The following DAPK1 variants were observed in gnomAD, a reference collection of about 807,000 sequenced individuals.
DAPK1 encodes death associated protein kinase 1, also known as death-associated protein kinase 1.
In DAPK1, 56 loss-of-function variants were observed where a neutral mutation model predicts 144.9. That is an observed-to-expected ratio of 0.39 (90% CI 0.31 to 0.48). The LOEUF (loss-of-function observed/expected upper bound fraction) is 0.48, where lower values mean the gene tolerates loss of function less well. DAPK1 is among the 20% of genes least tolerant of loss of function. DAPK1 has a pLI of 0.95. For missense variants in DAPK1, 1,454 were observed against 1,875.4 expected (o/e 0.78, Z 4.15); for synonymous variants, 690 against 749.0 (o/e 0.92, Z 1.29).
intron 19 of DAPK1, among the ~76,000 whole-genome samples, chr9:87,676,889 C>A (rs930542618): frequency 6.6e-6 from 1 of 152,222 alleles, no homozygotes; most frequent in Non-Finnish European, 1.5e-5. Flanking sequence ...TCTGAGGAAC[C>A]TGCCACCTCC....
At chr9:87,610,277 T>TC (rs1828877749) in intron 3 of DAPK1, among the ~76,000 whole-genome samples, 1 of 152,226 alleles carries the variant, frequency 6.6e-6, no homozygotes, top group Admixed American at 6.5e-5. Flanking sequence ...GGATTTCATG[T>TC]CCTCCACGTC....
intron 2 of DAPK1, chr9:87,525,477 T>G: frequency 6.6e-7 from 1 of 1,515,496 alleles, no homozygotes; most frequent in Non-Finnish European, 9.1e-7. Flanking sequence ...TTGGACTAAA[T>G]GATCTTCCTT....
At chr9:87,626,446 A>T (rs1421510455) in intron 3 of DAPK1, among the ~76,000 whole-genome samples, 1 of 151,404 alleles carries the variant, frequency 6.6e-6, no homozygotes, top group South Asian at 2.1e-4. Context: ...ACAAAAAACA[A>T]CAACAACAAC....
chr9:87,695,306 G>A (rs568609643), intron 21 of DAPK1, among the ~76,000 whole-genome samples: 1 of 152,206 alleles, frequency 6.6e-6, no homozygotes, highest in Non-Finnish European at 1.5e-5. Context: ...AGTGCATCTT[G>A]ACTGCAGGAT....
chr9:87,597,137 A>G (rs1475596945), intron 2 of DAPK1, among the ~76,000 whole-genome samples: 1 of 152,232 alleles, frequency 6.6e-6, no homozygotes. Context: ...CGGAAGTTCC[A>G]GGATCACTTC....
Position 87,707,960 on chromosome 9 carries a change from G to T in DAPK1, c.*596G>T. Reference sequence around the variant, plus strand: ...AGCCAGGAGCTGTCACCAAGGAAACGCTACCTCTCTGTCCCTTGCTGTATG... The same window carrying T: ...AGCCAGGAGCTGTCACCAAGGAAACTCTACCTCTCTGTCCCTTGCTGTATG... On this transcript the variant is annotated 3_prime_UTR_variant, in exon 26 of 26. Coordinates refer to ENST00000408954, the MANE Select transcript of DAPK1 (RefSeq NM_004938.4). The surrounding 1 kb of genome is among the most constrained non-coding windows in gnomAD (Gnocchi z 4.0). 2 of 448,864 alleles carry T rather than the reference G, an allele frequency of 4.5e-6. No homozygotes were observed. The highest frequency in any genetic ancestry group is 8.9e-6 in the Non-Finnish European group (2 of 223,676). The allele number at this position is 448,864 out of a possible 1,614,324, so 27.8% of individuals were successfully genotyped here. A position where few individuals can be genotyped will look rare whatever the true frequency, so the allele number is the denominator to read the frequency against.
intron 2 of DAPK1, among the ~76,000 whole-genome samples, chr9:87,561,852 C>G (rs1412918223): frequency 2.0e-5 from 3 of 152,174 alleles, no homozygotes; most frequent in Non-Finnish European, 4.4e-5. Context: ...TTCTGCCCCC[C>G]TCCTTAGGGT....
At position 87,708,551 on chromosome 9, in the gene DAPK1, T is replaced by A; in HGVS notation, c.*1187T>A. The A allele has an allele frequency of 6.5e-6, 1 of 152,736 alleles. No individual in the cohort carries two copies. Among genetic ancestry groups the A allele is most frequent in the South Asian group, 2.1e-4 (1 of 4,826 alleles). The allele number at this position is 152,736 out of a possible 1,614,324, so 9.5% of individuals were successfully genotyped here. ...GTATATACATATATATTAATACTGG[T>A]ATTTTTACTTAATCTATAAAATGTC... On this transcript the variant is annotated 3_prime_UTR_variant, in exon 26 of 26. Coordinates refer to ENST00000408954, the MANE Select transcript of DAPK1 (RefSeq NM_004938.4).
chr9:87,633,450 T>C (rs1249468917), intron 3 of DAPK1: 15 of 933,566 alleles, frequency 1.6e-5, no homozygotes, highest in Non-Finnish European at 1.9e-5. Flanking sequence ...CTTTCTAATG[T>C]CTAACTGAAG....
chr9:87,540,167 T>G (rs1825995217), intron 2 of DAPK1, among the ~76,000 whole-genome samples: 1 of 150,468 alleles, frequency 6.6e-6, no homozygotes, highest in Non-Finnish European at 1.5e-5. Context: ...TTATTGCTAA[T>G]TATTGTTGTT....
Position 87,640,375 on chromosome 9 carries a change from T to C in DAPK1, c.707T>C (p.Phe236Ser). 1.2e-6 allele frequency: 2 copies of C among 1,614,206 alleles called. No individual in the cohort carries two copies. The highest frequency in any genetic ancestry group is 1.7e-6 in the Non-Finnish European group (2 of 1,180,014). ...LANVSAVNYE[F>S]EDEYFSNTSA... The stretch of plus-strand genomic sequence containing the variant: ...AATGTATCCGCTGTCAACTACGAAT[T>C]TGAGGATGAATACTTCAGTAATACC... Residue 236 changes from phenylalanine to serine, a missense_variant, in exon 8 of 26, where the codon TTT becomes TCT. Around this residue, in one of 2 missense-constraint regions of DAPK1, gnomAD observed 429 missense variants for 637.5 expected, o/e 0.67. Coordinates refer to ENST00000408954, the MANE Select transcript of DAPK1 (RefSeq NM_004938.4).
At chr9:87,622,186 C>T (rs1281009150) in intron 3 of DAPK1, among the ~76,000 whole-genome samples, 4 of 151,946 alleles carry the variant, frequency 2.6e-5, no homozygotes, top group Non-Finnish European at 5.9e-5. Flanking sequence ...ATCCATTTCT[C>T]TTTCCCATGC....
intron 2 of DAPK1, among the ~76,000 whole-genome samples, chr9:87,574,449 T>A (rs906044293): frequency 5.3e-5 from 8 of 152,218 alleles, no homozygotes; most frequent in African/African-American, 1.7e-4. Context: ...CCCAGCCATT[T>A]TATATATATC....
intron 14 of DAPK1, among the ~76,000 whole-genome samples, chr9:87,647,744 T>C (rs1055421392): frequency 6.6e-6 from 1 of 152,220 alleles, no homozygotes; most frequent in African/African-American, 2.4e-5. Flanking sequence ...TTTAAGCGGA[T>C]CTCTCCTATT....
At chr9:87,620,833 T>C (rs1272116362) in intron 3 of DAPK1, among the ~76,000 whole-genome samples, 1 of 152,168 alleles carries the variant, frequency 6.6e-6, no homozygotes, top group Non-Finnish European at 1.5e-5. Context: ...TGGCCGCCTT[T>C]TGTTCCAGTG....
At chr9:87,567,947 C>T (rs1483887479) in intron 2 of DAPK1, among the ~76,000 whole-genome samples, 1 of 152,226 alleles carries the variant, frequency 6.6e-6, no homozygotes. Flanking sequence ...AAGGCTGCCA[C>T]TATTCAGTTG....
intron 3 of DAPK1, among the ~76,000 whole-genome samples, chr9:87,611,626 T>A (rs943164232): frequency 3.3e-5 from 5 of 152,096 alleles, no homozygotes; most frequent in African/African-American, 9.7e-5. Context: ...ACTCAGCTAT[T>A]TTTTATTTTT....
chr9:87,603,103 G>A (rs1343194127), intron 2 of DAPK1, among the ~76,000 whole-genome samples: 4 of 152,116 alleles, frequency 2.6e-5, no homozygotes, highest in African/African-American at 9.7e-5. Flanking sequence ...GGCTGGGCTG[G>A]GCTGGGCCTC....
chr9:87,513,128 C>CT (rs1824913000), intron 2 of DAPK1, among the ~76,000 whole-genome samples: 1 of 152,162 alleles, frequency 6.6e-6, no homozygotes, highest in South Asian at 2.1e-4. Context: ...AACAAATAAG[C>CT]TATAAACAGG....
Sources: allele counts gnomAD v4.1 joint callset (sites outside exome capture counted in the v4.1 genomes callset), GRCh38; gene constraint gnomAD v4.1.1; regional missense constraint gnomAD v4.1.1; non-coding constraint Gnocchi (gnomAD v3.1); transcripts MANE v1.5; gene names NCBI Gene and HGNC (gene_info 2026-07-23, HGNC 2026-07-21).